SULT2B1: variants seen among roughly 807,000 people sequenced by gnomAD.
SULT2B1 encodes the protein sulfotransferase 2B1.
A neutral mutation model predicts 33.2 loss-of-function variants in SULT2B1; 16 were observed. The ratio of observed to expected loss-of-function variants is 0.48; its 90% CI spans 0.33 to 0.73. The LOEUF is 0.73. SULT2B1 is among the 30% of genes least tolerant of loss of function. The pLI is 0.02. For missense variants in SULT2B1, 500 were observed against 506.0 expected, an observed-to-expected ratio of 0.99 and a Z score of 0.11; for synonymous variants, 186 against 200.5, an observed-to-expected ratio of 0.93 and a Z score of 0.61.
chr19:48,591,608 G>A lies in SULT2B1; in HGVS notation c.424-1G>A, dbSNP rs2147625976. 6.2e-7 allele frequency: 1 copy of A among 1,611,710 alleles called. No individual in the cohort carries two copies. Among genetic ancestry groups the A allele is most frequent in the East Asian group, 2.2e-5 (1 of 44,826 alleles). ...CCCCTCTCCTCACCATCCGCACACAGGTGATCTACATGGGCCGCAACCCCC... is the reference window on the plus strand; with the variant it reads ...CCCCTCTCCTCACCATCCGCACACAAGTGATCTACATGGGCCGCAACCCCC... On this transcript the variant is annotated splice_acceptor_variant, in intron 3 of 6. Transcript: ENST00000201586. LOFTEE classifies it high-confidence loss of function.
intron 1 of SULT2B1, among the ~76,000 whole-genome samples, chr19:48,575,099 CCT>C (rs1973385793): frequency 8.2e-6 from 1 of 122,450 alleles, no homozygotes; most frequent in African/African-American, 3.1e-5. Flanking sequence ...TCTGTTTTAA[CCT>C]TTTTTTTTTT....
chr19:48,559,689 T>C (rs1973149171), intron 1 of SULT2B1, among the ~76,000 whole-genome samples: 1 of 152,092 alleles, frequency 6.6e-6, no homozygotes, highest in Admixed American at 6.6e-5. Flanking sequence ...ATGGAATAAA[T>C]GCCAGGCTGA....
At chr19:48,568,561 C>T (rs750509116) in intron 1 of SULT2B1, among the ~76,000 whole-genome samples, 1 of 152,244 alleles carries the variant, frequency 6.6e-6, no homozygotes, top group East Asian at 1.9e-4. Context: ...GAGCTGGGGA[C>T]GCCTGCCCAG....
chr19:48,595,727 G>C (rs1973704348), intron 5 of SULT2B1: 1 of 148,624 alleles, frequency 6.7e-6, no homozygotes, highest in Admixed American at 6.7e-5. Flanking sequence ...TAGTATAGTG[G>C]TGAGATCTCG....
intron 2 of SULT2B1, 74 bp from the exon 3 acceptor site, chr19:48,587,155 T>G: frequency 9.1e-7 from 1 of 1,098,770 alleles, no homozygotes; most frequent in Non-Finnish European, 1.3e-6. Context: ...ATAAGTGCTG[T>G]TGTGATTATT....
chr19:48,594,533 A>G (rs1178015731), intron 5 of SULT2B1, among the ~76,000 whole-genome samples: 1 of 152,164 alleles, frequency 6.6e-6, no homozygotes, highest in African/African-American at 2.4e-5. Context: ...GAACTGGGCC[A>G]CAGAGCCTAA....
intron 5 of SULT2B1, among the ~76,000 whole-genome samples, chr19:48,593,046 G>T (rs1276263002): frequency 6.6e-6 from 1 of 152,156 alleles, no homozygotes; most frequent in Non-Finnish European, 1.5e-5. Context: ...AGGAGCAAAG[G>T]CGAGTGGGAA....
At chr19:48,569,363 CATATATATATATATATATAT>C (rs1159840741) in intron 1 of SULT2B1, among the ~76,000 whole-genome samples, 18 of 33,278 alleles carry the variant, frequency 5.4e-4, no homozygotes, top group Admixed American at 1.5e-3. Context: ...AAAAAAAAAA[CATATATATATATATATATAT>C]ATATATATAT....
intron 1 of SULT2B1, among the ~76,000 whole-genome samples, chr19:48,573,769 G>C (rs4802491): frequency 0.42 from 63,625 of 151,964 alleles, 14,315 homozygotes; most frequent in South Asian, 0.58. Flanking sequence ...CAGTCAAATC[G>C]CTTCCCTCCT....
chr19:48,572,070 TAG>T (rs1466806576), intron 1 of SULT2B1, among the ~76,000 whole-genome samples: 1 of 152,140 alleles, frequency 6.6e-6, no homozygotes, highest in African/African-American at 2.4e-5. Context: ...GTTCTTGGCA[TAG>T]AGTTTCTGTA....
At chr19:48,579,042 T>G (rs1269587724) in intron 2 of SULT2B1, among the ~76,000 whole-genome samples, 1 of 151,562 alleles carries the variant, frequency 6.6e-6, no homozygotes, top group Non-Finnish European at 1.5e-5. Context: ...TTTTGGGCAT[T>G]TCATGGAAAT....
In SULT2B1 at chr19:48,590,557, G is replaced by A. The variant is rs1468458194; in HGVS notation, c.424-1052G>A. Among the ~76,000 whole-genome samples the A allele has an allele frequency of 5.3e-5, 8 of 152,006 alleles. No individual in the cohort carries two copies. The East Asian group carries it at 5.9e-4, about 11-fold the overall frequency. On this transcript the variant is annotated intron_variant, in intron 3 of 6. Coordinates refer to ENST00000201586, the MANE Select transcript of SULT2B1 (RefSeq NM_177973.2). ...GCAGAGGTTGCAGTGAGCTGAGATC[G>A]TGCCACTGCACTCCAGCCTGGGAGA...
intron 4 of SULT2B1, among the ~76,000 whole-genome samples, chr19:48,592,465 G>A (rs1973655318): frequency 6.6e-6 from 1 of 152,190 alleles, no homozygotes; most frequent in Non-Finnish European, 1.5e-5. Context: ...CCCTGGCTTT[G>A]GAGGGAAATC....
chr19:48,557,495 G>A lies in SULT2B1; in HGVS notation c.71+5172G>A, dbSNP rs560236380. Among the ~76,000 whole-genome samples the A allele has an allele frequency of 3.2e-4, 48 of 151,632 alleles. No individual in the cohort carries two copies. The Middle Eastern group carries it at 0.014, about 43-fold the overall frequency. The stretch of plus-strand genomic sequence containing the variant: ...GCGGAGGTTGCAGTGAGCTGAGATC[G>A]CATACTGCACACCAGCTTGGGTGAC... On this transcript the variant is annotated intron_variant, in intron 1 of 6. Transcript: ENST00000201586.
intron 2 of SULT2B1, among the ~76,000 whole-genome samples, chr19:48,578,424 A>G (rs1320094565): frequency 6.6e-6 from 1 of 151,938 alleles, no homozygotes; most frequent in African/African-American, 2.4e-5. Context: ...TCTACAAAAC[A>G]TACAAAAATT....
At chr19:48,557,439 C>G (rs1406431200) in intron 1 of SULT2B1, among the ~76,000 whole-genome samples, 2 of 151,246 alleles carry the variant, frequency 1.3e-5, no homozygotes, top group African/African-American at 4.9e-5. Context: ...ACTGGAGAGG[C>G]TGAGGCAGGA....
At chr19:48,577,309 C>A (rs1336533172) in intron 2 of SULT2B1, among the ~76,000 whole-genome samples, 1 of 142,932 alleles carries the variant, frequency 7.0e-6, no homozygotes, top group Non-Finnish European at 1.5e-5. Context: ...CCAGCCTTGG[C>A]CTCCCAAAGT....
At position 48,582,447 on chromosome 19, in the gene SULT2B1, CACTT is replaced by C. The variant is rs140157737; in HGVS notation, c.215-4779_215-4776del. Among the ~76,000 whole-genome samples, 963 of 152,264 alleles carry C rather than the reference CACTT, an allele frequency of 6.3e-3. 9 individuals carry two copies. The highest frequency in any genetic ancestry group is 0.022 in the African/African-American group (904 of 41,568). On this transcript the variant is annotated intron_variant, in intron 2 of 6. Transcript: ENST00000201586. ...TACATGCAGTACTTGGCATTGAACA[CACTT>C]ACCTCTAGGACAAATATCTGGACAA...
intron 1 of SULT2B1, among the ~76,000 whole-genome samples, chr19:48,563,511 G>A (rs1052012358): frequency 2.0e-5 from 3 of 152,174 alleles, no homozygotes; most frequent in Non-Finnish European, 2.9e-5. Flanking sequence ...CACGGAAAAT[G>A]TCAGAAACAT....
Sources: gnomAD v4.1 joint callset for allele counts (sites outside exome capture counted in the v4.1 genomes callset) on GRCh38, gnomAD v4.1.1 for gene constraint, MANE v1.5 for transcripts, NCBI Gene and HGNC (gene_info 2026-07-23, HGNC 2026-07-21) for gene names.